The following MYO1F variants were observed in gnomAD, a reference collection of about 807,000 sequenced individuals.
MYO1F encodes the protein myosin IF, also known as unconventional myosin-If.
In MYO1F, 60 loss-of-function variants were observed where a neutral mutation model predicts 146.6. The ratio of observed to expected loss-of-function variants is 0.41; its 90% CI spans 0.33 to 0.51. The LOEUF is 0.51. Ranked by LOEUF, MYO1F falls within the 20% of genes least tolerant of loss-of-function variation. MYO1F has a pLI of 0.25. For synonymous variants in MYO1F, 602 were observed against 602.1 expected, an observed-to-expected ratio of 1.00 and a Z score of 0.00; for missense variants, 1,274 against 1,534.3, an observed-to-expected ratio of 0.83 and a Z score of 2.83.
intron 1 of MYO1F, among the ~76,000 whole-genome samples, chr19:8,562,258 C>T (rs912216460): frequency 5.9e-5 from 9 of 151,948 alleles, no homozygotes; most frequent in Admixed American, 2.6e-4. Context: ...GCCTTGGCCT[C>T]ACAAAGCACT....
intron 10 of MYO1F, chr19:8,549,919 G>A (rs915674477): frequency 8.5e-6 from 5 of 591,036 alleles, no homozygotes; most frequent in South Asian, 3.9e-5. Flanking sequence ...CCCAACCTCA[G>A]CCCTCTGAGT....
At position 8,544,294 on chromosome 19, in the gene MYO1F, C is replaced by T; in HGVS notation, c.1524+3G>A. ...CAGGGTAGGGTAGGGGCAGGGGGCG[C>T]ACCTTGCCAGCGTAGTGGTGGATGA... is the stretch of plus-strand genomic sequence containing the variant. On this transcript the variant is annotated splice_donor_region_variant and intron_variant, in intron 14 of 27. Coordinates refer to ENST00000644032, the MANE Select transcript of MYO1F (RefSeq NM_012335.4). 6.2e-7 allele frequency: 1 copy of T among 1,612,922 alleles called. No homozygotes were observed. Among genetic ancestry groups the T allele is most frequent in the Non-Finnish European group, 8.5e-7 (1 of 1,179,818 alleles).
At chr19:8,551,684 G>T in intron 8 of MYO1F, 56 bp downstream of exon 8, 1 of 1,613,474 alleles carries the variant, frequency 6.2e-7, no homozygotes, top group Non-Finnish European at 8.5e-7. Context: ...AACTCAGGAG[G>T]GTTTCTGGGG....
intron 22 of MYO1F, 42 bp downstream of exon 22, chr19:8,527,296 C>T (rs1483307435): frequency 1.2e-6 from 2 of 1,613,306 alleles, no homozygotes; most frequent in East Asian, 4.5e-5. Context: ...AGCCAGGGGA[C>T]AGGTGAGAGT....
intron 1 of MYO1F, among the ~76,000 whole-genome samples, chr19:8,574,638 T>G (rs1179172627): frequency 7.3e-5 from 4 of 54,546 alleles, no homozygotes; most frequent in African/African-American, 2.1e-4. Context: ...TCTTTCTTTC[T>G]TTCTTTCCTT....
chr19:8,577,220 A>C lies in MYO1F; in HGVS notation c.3+87T>G. ...TCCACCATGCCCCTCCCCTCACCCC[A>C]ATTTCTGATGGTCATTTTTAGGACA... On this transcript the variant is annotated intron_variant, in intron 1 of 27. Coordinates refer to ENST00000644032, the MANE Select transcript of MYO1F (RefSeq NM_012335.4). The surrounding 1 kb of genome is among the most constrained non-coding windows in gnomAD (Gnocchi z 4.3). 6.6e-7 allele frequency: 1 copy of C among 1,512,980 alleles called. No individual in the cohort carries two copies. Among genetic ancestry groups the C allele is most frequent in the Non-Finnish European group, 9.1e-7 (1 of 1,103,020 alleles). The allele number at this position is 1,512,980 out of a possible 1,614,324, so 93.7% of individuals were successfully genotyped here.
chr19:8,522,624 C>A lies in MYO1F; in HGVS notation c.3050+10G>T, dbSNP rs767709488. ...CCCACCTCCTGGAGCTGCCCTCCCA[C>A]CCCACCTACCCGGCCATGCCCTGGT... On this transcript the variant is annotated intron_variant, in intron 26 of 27. Coordinates refer to ENST00000644032, the MANE Select transcript of MYO1F (RefSeq NM_012335.4). 8.1e-5 allele frequency: 131 copies of A among 1,612,590 alleles called. 1 individual carries two copies. In the East Asian group the frequency reaches 2.9e-3, roughly 36 times the overall value.
intron 1 of MYO1F, among the ~76,000 whole-genome samples, chr19:8,556,221 G>C (rs1362846336): frequency 6.6e-6 from 1 of 150,986 alleles, no homozygotes; most frequent in Non-Finnish European, 1.5e-5. Context: ...GTAGAGATGG[G>C]GTTTCACCAT....
At chr19:8,529,425 C>A (rs1295324687) in intron 21 of MYO1F, among the ~76,000 whole-genome samples, 1 of 152,116 alleles carries the variant, frequency 6.6e-6, no homozygotes, top group African/African-American at 2.4e-5. Flanking sequence ...CTGTCTGGGG[C>A]AGAAGAGGAT....
chr19:8,576,238 A>G (rs1047053387), intron 1 of MYO1F, among the ~76,000 whole-genome samples: 69 of 152,266 alleles, frequency 4.5e-4, no homozygotes, highest in African/African-American at 1.4e-3. Context: ...ACCTCAAGTG[A>G]TCTACCTGTC....
intron 19 of MYO1F, among the ~76,000 whole-genome samples, chr19:8,533,477 C>T (rs1398585748): frequency 6.6e-6 from 1 of 151,918 alleles, no homozygotes; most frequent in Non-Finnish European, 1.5e-5. Context: ...GCCTCAGCCT[C>T]CCGAGTAGCT....
At position 8,530,306 on chromosome 19, in the gene MYO1F, C is replaced by G; in HGVS notation, c.2218G>C (p.Val740Leu). Residue 740 changes from valine (V) to leucine (L), a missense_variant, in exon 21 of 28, where the codon GTC becomes CTC. Physicochemically the swap from Val to Leu is conservative, Grantham distance 32. This residue lies in a region of MYO1F where 900 missense variants were observed against 1,155.1 expected (regional missense o/e 0.78). Transcript: ENST00000644032. This position sits in a 1 kb window ranked among gnomAD's most constrained non-coding sequence, Gnocchi z 5.8. The stretch of plus-strand genomic sequence containing the variant: ...TCCTCCAGCCCCAGGTAGTCCCCGA[C>G]GAAGTTCCGATTGATGCTGTTGCGC... ...RRRNSINRNF[V>L]GDYLGLEERP... 6.2e-7 allele frequency: 1 copy of G among 1,614,122 alleles called. No individual in the cohort carries two copies. Among genetic ancestry groups the G allele is most frequent in the Non-Finnish European group, 8.5e-7 (1 of 1,180,016 alleles).
intron 15 of MYO1F, 32 bp downstream of exon 15, chr19:8,541,874 A>G (rs1225637104): frequency 5.0e-6 from 8 of 1,591,014 alleles, no homozygotes; most frequent in Non-Finnish European, 6.9e-6. Context: ...GGGGGGTTGT[A>G]GCCGGAGGTC....
chr19:8,523,510 G>A (rs1372418232), intron 25 of MYO1F, among the ~76,000 whole-genome samples: 1 of 151,820 alleles, frequency 6.6e-6, no homozygotes, highest in Non-Finnish European at 1.5e-5. Flanking sequence ...ACTATGCCCA[G>A]TTGATTTTTA....
At chr19:8,540,536 C>G (rs954907447) in intron 15 of MYO1F, 5 of 151,782 alleles carry the variant, frequency 3.3e-5, no homozygotes, top group African/African-American at 9.7e-5. Flanking sequence ...ATGGTGAAAC[C>G]CTGTCTCTAC....
At position 8,526,509 on chromosome 19, in the gene MYO1F, T is replaced by C. The variant is rs1187996623; in HGVS notation, c.2714A>G (p.Lys905Arg). The change falls in exon 24 of 28, where the codon AAG (lysine) becomes AGG (arginine). Residue 905 changes from lysine to arginine, a missense_variant. Lys to Arg is a conservative substitution (Grantham distance 26). Around this residue, in one of 2 missense-constraint regions of MYO1F, gnomAD observed 374 missense variants for 379.2 expected, o/e 0.99. Coordinates refer to ENST00000644032, the MANE Select transcript of MYO1F (RefSeq NM_012335.4). ...GACCGTGAGGGTCCGACCGCCAACC[T>C]TGAGCACTGCCAAGTCGCCGAAGCC... The part of the protein sequence containing the change: ...SRGFGDLAVL[K>R]VGGRTLTVSV... 2 of 1,581,626 alleles carry C rather than the reference T, an allele frequency of 1.3e-6. No individual in the cohort carries two copies. The highest frequency in any genetic ancestry group is 2.7e-5 in the African/African-American group (2 of 74,740).
chr19:8,550,164 A>T lies in MYO1F; in HGVS notation c.1097T>A (p.Val366Glu), dbSNP rs1361128306. 3.1e-6 allele frequency: 5 copies of T among 1,613,972 alleles called. No individual in the cohort carries two copies. The highest frequency in any genetic ancestry group is 4.2e-6 in the Non-Finnish European group (5 of 1,180,012). ...GLYARLFDFL[V>E]EAINRAMQKP... ...TCCAGCCCCAGCCCCACTCGCCTCC[A>T]CGAGGAAGTCGAAGAGGCGGGCATA... The change falls in exon 10 of 28, where the codon GTG (valine) becomes GAG (glutamate). Residue 366 changes from valine (V) to glutamate (E), a missense_variant. By Grantham distance (121) the Val-to-Glu change is moderately radical. Coordinates refer to ENST00000644032, the MANE Select transcript of MYO1F (RefSeq NM_012335.4).
At chr19:8,543,654 CTGG>C (rs1266851158) in intron 14 of MYO1F, among the ~76,000 whole-genome samples, 156 of 87,526 alleles carry the variant, frequency 1.8e-3, no homozygotes, top group African/African-American at 6.4e-3. Flanking sequence ...GGTGGTGGTG[CTGG>C]TGGTGGTGGT....
chr19:8,566,458 C>T (rs1036671861), intron 1 of MYO1F, among the ~76,000 whole-genome samples: 10 of 146,090 alleles, frequency 6.8e-5, no homozygotes, highest in African/African-American at 1.3e-4. Flanking sequence ...TGAGCCACCG[C>T]GCCCGGCCTG....
Sources: allele counts gnomAD v4.1 joint callset (sites outside exome capture counted in the v4.1 genomes callset), GRCh38; gene constraint gnomAD v4.1.1; regional missense constraint gnomAD v4.1.1; non-coding constraint Gnocchi (gnomAD v3.1); transcripts MANE v1.5; gene names NCBI Gene and HGNC (gene_info 2026-07-23, HGNC 2026-07-21).